HIP1: variants seen among roughly 807,000 people sequenced by gnomAD.
The protein encoded by HIP1 is huntingtin interacting protein 1.
In HIP1, 65 loss-of-function variants were observed where a neutral mutation model predicts 147.6. The observed-to-expected ratio is 0.44, with a 90% CI of 0.36 to 0.54. The LOEUF (loss-of-function observed/expected upper bound fraction) is 0.54, where lower values mean the gene tolerates loss of function less well. Ranked by LOEUF, HIP1 falls within the 20% of genes least tolerant of loss-of-function variation. The pLI is 0.00. For missense variants in HIP1, 1,061 were observed against 1,299.6 expected (o/e 0.82, Z 2.82); for synonymous variants, 479 against 504.0 (o/e 0.95, Z 0.67).
intron 1 of HIP1, among the ~76,000 whole-genome samples, chr7:75,603,573 G>A (rs782182503): frequency 9.2e-5 from 14 of 152,174 alleles, no homozygotes; most frequent in East Asian, 1.9e-4. Flanking sequence ...GAGCACAGTC[G>A]TTGGCTCTGC....
intron 1 of HIP1, among the ~76,000 whole-genome samples, chr7:75,693,817 A>T (rs1197468841): frequency 6.6e-6 from 1 of 152,036 alleles, no homozygotes; most frequent in Admixed American, 6.6e-5. Context: ...GAGAGAAAGA[A>T]AGAAAATAAA....
intron 1 of HIP1, among the ~76,000 whole-genome samples, chr7:75,635,559 CAG>C (rs1798394444): frequency 1.6e-5 from 2 of 121,830 alleles, no homozygotes; most frequent in East Asian, 4.7e-4. Flanking sequence ...GCCTGGGTGA[CAG>C]AGAGAGACTC....
At chr7:75,693,703 C>T (rs782346337) in intron 1 of HIP1, among the ~76,000 whole-genome samples, 23 of 146,172 alleles carry the variant, frequency 1.6e-4, no homozygotes, top group Non-Finnish European at 2.3e-4. Flanking sequence ...GGCAAAACCT[C>T]GTCTCTACAA....
chr7:75,596,098 G>A (rs1310163044), intron 2 of HIP1, among the ~76,000 whole-genome samples: 1 of 152,064 alleles, frequency 6.6e-6, no homozygotes, highest in Non-Finnish European at 1.5e-5. Context: ...AGGCATGATG[G>A]CATGTGCCTA....
chr7:75,622,321 G>A (rs782499291), intron 1 of HIP1, among the ~76,000 whole-genome samples: 17 of 151,984 alleles, frequency 1.1e-4, no homozygotes, highest in Non-Finnish European at 1.6e-4. Flanking sequence ...AAATTTGGAC[G>A]GAATGTAAGA....
chr7:75,692,572 C>A (rs1271395883), intron 1 of HIP1, among the ~76,000 whole-genome samples: 1 of 149,030 alleles, frequency 6.7e-6, no homozygotes, highest in Non-Finnish European at 1.5e-5. Context: ...TGGCATGAAC[C>A]ACCACGCCTG....
In HIP1 at chr7:75,589,683, C is replaced by CAAAA. The variant is rs1159535613; in HGVS notation, c.384+2369_384+2372dup. Among the ~76,000 whole-genome samples, 372 of 49,644 alleles carry CAAAA rather than the reference C, an allele frequency of 7.5e-3. 21 individuals carry two copies. Among genetic ancestry groups the CAAAA allele is most frequent in the African/African-American group, 0.03 (342 of 11,466 alleles). The allele number at this position is 49,644 out of a possible 152,430, so 32.6% of individuals were successfully genotyped here. ...AGGCAACAGAGCAAGACTCTGTCTC[C>CAAAA]AAAAAAAAAAAAAAAAAAAAAAAAA... On this transcript the variant is annotated intron_variant, in intron 4 of 30. Transcript: ENST00000336926.
chr7:75,587,518 A>C (rs377550334), intron 4 of HIP1, among the ~76,000 whole-genome samples: 131 of 152,326 alleles, frequency 8.6e-4, no homozygotes, highest in South Asian at 4.1e-3. Flanking sequence ...TATTGAACTG[A>C]CTCAATAAAT....
At chr7:75,652,920 T>C (rs1799040506) in intron 1 of HIP1, among the ~76,000 whole-genome samples, 1 of 152,142 alleles carries the variant, frequency 6.6e-6, no homozygotes, top group African/African-American at 2.4e-5. Context: ...CATAAAGGGT[T>C]AATGCAAACA....
chr7:75,737,920 A>G (rs1230486532), intron 1 of HIP1, among the ~76,000 whole-genome samples: 2 of 152,202 alleles, frequency 1.3e-5, no homozygotes, highest in Non-Finnish European at 2.9e-5. Flanking sequence ...GATTTTACAT[A>G]CAAATGAATT....
At position 75,669,905 on chromosome 7, in the gene HIP1, G is replaced by A. The variant is rs112844458; in HGVS notation, c.120+68896C>T. On this transcript the variant is annotated intron_variant, in intron 1 of 30. Coordinates refer to ENST00000336926, the MANE Select transcript of HIP1 (RefSeq NM_005338.7). ...CAACCTCCATCTCCTGGGTTCAAGT[G>A]AGTCTCCTGCCTCAGCCTCCTGGTA... Among the ~76,000 whole-genome samples the A allele has an allele frequency of 4.2e-3, 637 of 152,232 alleles. 2 individuals carry two copies. The highest frequency in any genetic ancestry group is 6.2e-3 in the Non-Finnish European group (423 of 68,032).
chr7:75,731,286 C>T (rs1801829315), intron 1 of HIP1, among the ~76,000 whole-genome samples: 1 of 151,412 alleles, frequency 6.6e-6, no homozygotes, highest in Non-Finnish European at 1.5e-5. Flanking sequence ...AGTTAGAGAC[C>T]AGCCTGGCCA....
At chr7:75,639,562 C>CGTGTGT (rs57827695) in intron 1 of HIP1, among the ~76,000 whole-genome samples, 2,421 of 137,424 alleles carry the variant, frequency 0.018, 61 homozygotes, top group African/African-American at 0.044. Flanking sequence ...CGCCAGGAAG[C>CGTGTGT]GTGTGTGTGT....
At chr7:75,667,841 A>G (rs769752537) in intron 1 of HIP1, among the ~76,000 whole-genome samples, 44 of 152,272 alleles carry the variant, frequency 2.9e-4, no homozygotes, top group Non-Finnish European at 5.3e-4. Flanking sequence ...GCATTGGCAT[A>G]TGCCCAATTC....
At chr7:75,650,431 G>A (rs940552026) in intron 1 of HIP1, among the ~76,000 whole-genome samples, 2 of 150,636 alleles carry the variant, frequency 1.3e-5, no homozygotes, top group Non-Finnish European at 2.9e-5. Context: ...ACAAGTCCAG[G>A]GATGTGTCTC....
intron 1 of HIP1, among the ~76,000 whole-genome samples, chr7:75,714,123 T>C (rs1321351322): frequency 6.8e-6 from 1 of 147,966 alleles, no homozygotes; most frequent in African/African-American, 2.5e-5. Flanking sequence ...CACTGCAACC[T>C]CTGCCTCCCG....
intron 2 of HIP1, among the ~76,000 whole-genome samples, chr7:75,597,780 A>G (rs1352426359): frequency 1.4e-5 from 2 of 143,106 alleles, no homozygotes; most frequent in Non-Finnish European, 3.0e-5. Flanking sequence ...CTTGCCCGGA[A>G]CTCCACCTTG....
chr7:75,583,756 T>TGTGTGTG (rs1796144551), intron 5 of HIP1, among the ~76,000 whole-genome samples: 20 of 115,518 alleles, frequency 1.7e-4, no homozygotes, highest in South Asian at 3.2e-4. Context: ...GCGGGCTAAT[T>TGTGTGTG]TGTGTGTGTG....
At chr7:75,686,326 T>G (rs958007241) in intron 1 of HIP1, among the ~76,000 whole-genome samples, 1 of 152,248 alleles carries the variant, frequency 6.6e-6, no homozygotes, top group Non-Finnish European at 1.5e-5. Flanking sequence ...CATAAAGATA[T>G]TCTCTCGTAT....
Sources: gnomAD v4.1 joint callset for allele counts (sites outside exome capture counted in the v4.1 genomes callset) on GRCh38, gnomAD v4.1.1 for gene constraint, MANE v1.5 for transcripts, NCBI Gene and HGNC (gene_info 2026-07-23, HGNC 2026-07-21) for gene names.